ANKMY1: variants seen among roughly 807,000 people sequenced by gnomAD.
The protein encoded by ANKMY1 is ankyrin repeat and MYND domain containing 1.
Under a neutral mutation model 102.0 loss-of-function variants are expected in ANKMY1, and 98 were observed. The ratio of observed to expected loss-of-function variants is 0.96; its 90% CI spans 0.82 to 1.14. ANKMY1 has a LOEUF of 1.14. Ranked by LOEUF, ANKMY1 falls within the 50% of genes most tolerant of loss-of-function variation. The probability of loss-of-function intolerance (pLI) is 0.00; values close to 1 mark genes in which losing one functional copy is unlikely to be tolerated. For missense variants in ANKMY1, 1,330 were observed against 1,347.6 expected (o/e 0.99, Z 0.20); for synonymous variants, 582 against 559.9 (o/e 1.04, Z -0.56).
upstream of ANKMY1, chr2:240,560,859 C>G: frequency 7.4e-7 from 1 of 1,348,288 alleles, no homozygotes; most frequent in Non-Finnish European, 9.6e-7. Flanking sequence ...GCCCGGCCCG[C>G]GCGCGCCCGG....
At chr2:240,469,645 A>G in the ANKMY1 span, among the ~76,000 whole-genome samples, 9 of 134,290 alleles carry the variant, frequency 6.7e-5, no homozygotes, top group African/African-American at 1.5e-4. Flanking sequence ...CACACGGTGC[A>G]CACACATGCA....
At chr2:240,551,050 A>G (rs2125074617) in intron 4 of ANKMY1, among the ~76,000 whole-genome samples, 1 of 152,280 alleles carries the variant, frequency 6.6e-6, no homozygotes, top group South Asian at 2.1e-4. Context: ...CACTGCACTA[A>G]TTGGAAGGCT....
chr2:240,485,740 C>T (rs2075981864), intron 15 of ANKMY1, among the ~76,000 whole-genome samples: 1 of 152,110 alleles, frequency 6.6e-6, no homozygotes. Context: ...CAGGCCCATG[C>T]CACCACGTGG....
At chr2:240,518,346 G>A (rs2081550841) in intron 9 of ANKMY1, among the ~76,000 whole-genome samples, 1 of 151,864 alleles carries the variant, frequency 6.6e-6, no homozygotes, top group Non-Finnish European at 1.5e-5. Context: ...CTGCCTCTGG[G>A]ACCACCAGCT....
At chr2:240,553,288 G>A (rs550047593) in intron 3 of ANKMY1, 3 of 555,192 alleles carry the variant, frequency 5.4e-6, no homozygotes, top group Non-Finnish European at 9.7e-6. Flanking sequence ...CTCCTCAGGT[G>A]GGGGACTGTG....
chr2:240,521,367 C>T (rs1247469450), intron 8 of ANKMY1, among the ~76,000 whole-genome samples: 1 of 152,180 alleles, frequency 6.6e-6, no homozygotes, highest in Non-Finnish European at 1.5e-5. Context: ...GCTGGCTCTC[C>T]TTGTCTGCCG....
chr2:240,469,772 G>A, the ANKMY1 span, among the ~76,000 whole-genome samples: 3 of 141,534 alleles, frequency 2.1e-5, no homozygotes, highest in African/African-American at 8.7e-5. Context: ...GTCCTCACAT[G>A]CCCACATGCC....
At chr2:240,545,606 C>A (rs377354944) in intron 4 of ANKMY1, among the ~76,000 whole-genome samples, 1 of 152,148 alleles carries the variant, frequency 6.6e-6, no homozygotes, top group Non-Finnish European at 1.5e-5. Flanking sequence ...AAGTTGAAAA[C>A]TTTGAAAAAA....
Position 240,506,328 on chromosome 2 carries a change from G to A in ANKMY1, c.2526+1232C>T, listed in dbSNP as rs558505419. Among the ~76,000 whole-genome samples the A allele has an allele frequency of 7.9e-5, 12 of 152,234 alleles. No homozygotes were observed. In the South Asian group the frequency reaches 8.3e-4, roughly 11 times the overall value. ...TCAATCCTGGGCCCTATGAAGCTCC[G>A]AAAGAACATTAGGGGGCCCCTCCCA... is the stretch of plus-strand genomic sequence containing the variant. On this transcript the variant is annotated intron_variant, in intron 13 of 17. Transcript: ENST00000401804. This position sits in a 1 kb window ranked among gnomAD's most constrained non-coding sequence, Gnocchi z 4.9.
At chr2:240,539,152 C>T (rs976585071) in intron 4 of ANKMY1, among the ~76,000 whole-genome samples, 16 of 151,448 alleles carry the variant, frequency 1.1e-4, no homozygotes, top group African/African-American at 7.3e-5. Context: ...TTTGTTCTTT[C>T]GCTCTTTGCA....
intron 2 of ANKMY1, among the ~76,000 whole-genome samples, chr2:240,556,433 C>T (rs775707601): frequency 1.3e-5 from 2 of 152,202 alleles, no homozygotes; most frequent in Admixed American, 6.5e-5. Flanking sequence ...AGCCCGCTCC[C>T]ACCAGTTACT....
chr2:240,512,935 G>A lies in ANKMY1; in HGVS notation c.2012C>T (p.Thr671Ile), dbSNP rs762476674. 4.3e-6 allele frequency: 7 copies of A among 1,612,458 alleles called. No homozygotes were observed. In the African/African-American group the frequency reaches 8.0e-5, roughly 18 times the overall value. Reference sequence around the variant, plus strand: ...GGCAGCGATGTGGAGTGGTGTCAGGGTGCTCAGCTGCAGAGGAAACACCGG... The same window carrying A: ...GGCAGCGATGTGGAGTGGTGTCAGGATGCTCAGCTGCAGAGGAAACACCGG... ...TDICFPPQLS[T>I]LTPLHIAAAL... Residue 671 changes from threonine to isoleucine, a missense_variant, in exon 10 of 18, where the codon ACC becomes ATC. Thr to Ile is a moderately conservative substitution (Grantham distance 89, BLOSUM62 -1). Coordinates refer to ENST00000401804, the MANE Select transcript of ANKMY1 (RefSeq NM_001282771.3).
chr2:240,525,029 C>T (rs1211714706), intron 7 of ANKMY1, among the ~76,000 whole-genome samples: 1 of 152,232 alleles, frequency 6.6e-6, no homozygotes, highest in Non-Finnish European at 1.5e-5. Flanking sequence ...TATCTGAGTT[C>T]CTTCCTCAGG....
intron 15 of ANKMY1, among the ~76,000 whole-genome samples, chr2:240,485,339 A>AAG (rs2075928586): frequency 1.3e-5 from 2 of 152,120 alleles, no homozygotes; most frequent in South Asian, 4.2e-4. Context: ...AAGAAAAAAA[A>AAG]AAAGAAACAA....
At chr2:240,515,270 C>A (rs749095131) in intron 9 of ANKMY1, among the ~76,000 whole-genome samples, 1 of 152,208 alleles carries the variant, frequency 6.6e-6, no homozygotes, top group Non-Finnish European at 1.5e-5. Context: ...GACGCGGTAT[C>A]TCACACCTGT....
In ANKMY1 at chr2:240,481,213, C is replaced by T. The variant is rs894558623; in HGVS notation, c.2886-116G>A. ...GCTCCTGGGCTATTCCCCACCGTCC[C>T]GCACTGTCCCCTGCATTGGGCAGCC... On this transcript the variant is annotated intron_variant, in intron 16 of 17. Transcript: ENST00000401804. 1.3e-5 allele frequency: 17 copies of T among 1,317,974 alleles called. No individual in the cohort carries two copies. In the Admixed American group the frequency reaches 2.0e-4, roughly 15 times the overall value. 81.6% of individuals were successfully genotyped at this position (1,317,974 alleles called of 1,614,324 possible).
intron 4 of ANKMY1, among the ~76,000 whole-genome samples, chr2:240,541,768 C>T (rs922262931): frequency 3.3e-5 from 5 of 152,110 alleles, no homozygotes; most frequent in Non-Finnish European, 4.4e-5. Context: ...TTCCAAAGCA[C>T]TGGGATTACA....
chr2:240,507,024 T>C (rs912568820), intron 13 of ANKMY1, among the ~76,000 whole-genome samples: 80 of 152,140 alleles, frequency 5.3e-4, no homozygotes, highest in African/African-American at 1.9e-3. Flanking sequence ...AAGCCAGAAT[T>C]GTGCAGCTGG....
chr2:240,469,729 T>A, the ANKMY1 span, among the ~76,000 whole-genome samples: 1 of 151,548 alleles, frequency 6.6e-6, no homozygotes, highest in Non-Finnish European at 1.5e-5. Context: ...AGCACACATA[T>A]CCATACACGT....
Sources: allele counts gnomAD v4.1 joint callset (sites outside exome capture counted in the v4.1 genomes callset), GRCh38; gene constraint gnomAD v4.1.1; non-coding constraint Gnocchi (gnomAD v3.1); transcripts MANE v1.5; gene names NCBI Gene and HGNC (gene_info 2026-07-23, HGNC 2026-07-21).